The following NCKAP5 variants were observed in gnomAD, a reference collection of about 807,000 sequenced individuals.
NCKAP5 encodes the protein NCK associated protein 5, also known as nck-associated protein 5.
A neutral mutation model predicts 167.0 loss-of-function variants in NCKAP5; 92 were observed. The observed-to-expected ratio is 0.55, with a 90% CI of 0.47 to 0.66. NCKAP5 has a LOEUF of 0.66. Ranked by LOEUF, NCKAP5 falls within the 30% of genes least tolerant of loss-of-function variation. NCKAP5 has a pLI of 0.00. For synonymous variants in NCKAP5, 891 were observed against 877.4 expected (o/e 1.02, Z -0.27); for missense variants, 2,378 against 2,315.0 (o/e 1.03, Z -0.56).
chr2:132,770,505 G>C (rs928042870), intron 16 of NCKAP5, among the ~76,000 whole-genome samples: 2 of 149,822 alleles, frequency 1.3e-5, no homozygotes, highest in African/African-American at 4.9e-5. Flanking sequence ...GGATTGTCAG[G>C]CTTTTTTGTT....
intron 6 of NCKAP5, among the ~76,000 whole-genome samples, chr2:133,119,574 T>C (rs1222210517): frequency 6.6e-6 from 1 of 152,178 alleles, no homozygotes; most frequent in African/African-American, 2.4e-5. Context: ...TTTAAGGTGG[T>C]AGAAATCCCA....
intron 3 of NCKAP5, among the ~76,000 whole-genome samples, chr2:133,349,860 T>C (rs1322262828): frequency 6.6e-6 from 1 of 152,230 alleles, no homozygotes; most frequent in Non-Finnish European, 1.5e-5. Flanking sequence ...TCTGTGTTTC[T>C]GGCTGGCCTA....
At chr2:132,909,931 T>G (rs1482188876) in intron 8 of NCKAP5, among the ~76,000 whole-genome samples, 2 of 152,176 alleles carry the variant, frequency 1.3e-5, no homozygotes, top group Non-Finnish European at 2.9e-5. Flanking sequence ...GAATCTTATT[T>G]AATATTCACA....
At chr2:133,346,730 G>T (rs1378070561) in intron 3 of NCKAP5, among the ~76,000 whole-genome samples, 1 of 152,224 alleles carries the variant, frequency 6.6e-6, no homozygotes, top group African/African-American at 2.4e-5. Flanking sequence ...GTGAATAAAT[G>T]TGTGCAACCA....
chr2:133,669,474 T>C, the NCKAP5 span, among the ~76,000 whole-genome samples: 1 of 152,162 alleles, frequency 6.6e-6, no homozygotes, highest in African/African-American at 2.4e-5. Flanking sequence ...TATATTGTTG[T>C]CAGGTAAAAT....
chr2:133,576,987 A>G, the NCKAP5 span, among the ~76,000 whole-genome samples: 1 of 152,178 alleles, frequency 6.6e-6, no homozygotes, highest in South Asian at 2.1e-4. Context: ...CATCTCAGAG[A>G]TGAGACCAGT....
rs367563105 is a variant in NCKAP5 at position 132,779,625 on chromosome 2, A to G, written c.5049+1427T>C. 3.5e-4 allele frequency among the ~76,000 whole-genome samples: 54 copies of G among 152,244 alleles called. 1 individual carries two copies. The South Asian group carries it at 8.7e-3, about 25-fold the overall frequency. On this transcript the variant is annotated intron_variant, in intron 15 of 19. Transcript: ENST00000409261. ...GAAAAAAAAAAAAAAAACTTTTGCA[A>G]CGAACATAATCTGCATATAATTTTG...
At chr2:133,541,491 A>T (rs1047052407) in intron 2 of NCKAP5, among the ~76,000 whole-genome samples, 1 of 152,088 alleles carries the variant, frequency 6.6e-6, no homozygotes, top group African/African-American at 2.4e-5. Flanking sequence ...GATCCTTCAA[A>T]CTCATTATAT....
At chr2:133,253,726 C>G (rs989654278) in intron 4 of NCKAP5, among the ~76,000 whole-genome samples, 1 of 152,088 alleles carries the variant, frequency 6.6e-6, no homozygotes, top group African/African-American at 2.4e-5. Context: ...AAGATGCAGG[C>G]CAAGGCCAAA....
At chr2:133,241,636 C>T (rs761415053) in intron 4 of NCKAP5, among the ~76,000 whole-genome samples, 13 of 152,058 alleles carry the variant, frequency 8.5e-5, no homozygotes, top group Non-Finnish European at 1.2e-4. Flanking sequence ...ATTTCCTCTC[C>T]TCTTCTATTT....
At chr2:133,107,165 C>G (rs144897615) in intron 6 of NCKAP5, among the ~76,000 whole-genome samples, 4 of 152,300 alleles carry the variant, frequency 2.6e-5, no homozygotes, top group Non-Finnish European at 5.9e-5. Flanking sequence ...ACTCTTCACA[C>G]TAGACCCTGC....
At chr2:132,694,145 TTTC>T (rs1437155663) in intron 19 of NCKAP5, among the ~76,000 whole-genome samples, 1 of 151,826 alleles carries the variant, frequency 6.6e-6, no homozygotes, top group Non-Finnish European at 1.5e-5. Flanking sequence ...ATTTTTTGAA[TTTC>T]TTTTCTTTAT....
chr2:133,370,702 A>T (rs1163170279), intron 3 of NCKAP5, among the ~76,000 whole-genome samples: 5 of 138,658 alleles, frequency 3.6e-5, no homozygotes, highest in Admixed American at 2.9e-4. Flanking sequence ...TGGCTAACGT[A>T]TTTTTTTTTT....
intron 8 of NCKAP5, among the ~76,000 whole-genome samples, chr2:132,914,217 T>C (rs922574180): frequency 1.3e-5 from 2 of 152,130 alleles, no homozygotes; most frequent in Admixed American, 1.3e-4. Flanking sequence ...ATCATATTTG[T>C]GAAAAGAAAC....
intron 8 of NCKAP5, among the ~76,000 whole-genome samples, chr2:132,945,468 C>T (rs981998867): frequency 6.6e-6 from 1 of 151,638 alleles, no homozygotes; most frequent in South Asian, 2.1e-4. Flanking sequence ...AGTCATATCC[C>T]AACAGCTGGA....
At chr2:133,492,470 C>T (rs1197589421) in intron 3 of NCKAP5, among the ~76,000 whole-genome samples, 1 of 152,160 alleles carries the variant, frequency 6.6e-6, no homozygotes. Flanking sequence ...CCTTATAACA[C>T]AACGCTTCCT....
rs1680303330 is a variant in NCKAP5 at position 133,480,227 on chromosome 2, T to C, written c.69+37231A>G. ...GATTACACGTGTGAGCCACCACACC[T>C]GGCCTAGGGAATTAGAATTTGGATA... On this transcript the variant is annotated intron_variant, in intron 3 of 19. Coordinates refer to ENST00000409261, the MANE Select transcript of NCKAP5 (RefSeq NM_207363.3). Among the ~76,000 whole-genome samples the C allele has an allele frequency of 2.6e-5, 4 of 152,106 alleles. No homozygotes were observed. In the South Asian group the frequency reaches 8.3e-4, roughly 32 times the overall value.
At chr2:133,174,288 C>A (rs2084366170) in intron 5 of NCKAP5, among the ~76,000 whole-genome samples, 1 of 151,978 alleles carries the variant, frequency 6.6e-6, no homozygotes, top group Non-Finnish European at 1.5e-5. Flanking sequence ...ATTAGTGTAC[C>A]TTATCAAGAA....
chr2:133,393,038 A>G (rs893212488), intron 3 of NCKAP5, among the ~76,000 whole-genome samples: 3 of 152,188 alleles, frequency 2.0e-5, no homozygotes, highest in Non-Finnish European at 4.4e-5. Context: ...ATCAAATAAG[A>G]CTGGTTTGCT....
Sources: allele counts gnomAD v4.1 joint callset (sites outside exome capture counted in the v4.1 genomes callset), GRCh38; gene constraint gnomAD v4.1.1; transcripts MANE v1.5; gene names NCBI Gene and HGNC (gene_info 2026-07-23, HGNC 2026-07-21).